MAST1: variants seen among roughly 807,000 people sequenced by gnomAD.
The protein encoded by MAST1 is microtubule associated serine/threonine kinase 1.
MAST1 carries 40 observed loss-of-function variants against 124.6 expected under a neutral mutation model. That is an observed-to-expected ratio of 0.32 (90% CI 0.25 to 0.42). The LOEUF (loss-of-function observed/expected upper bound fraction) is 0.42. MAST1 is among the 10% of genes least tolerant of loss of function. MAST1 has a pLI of 1.00. For synonymous variants in MAST1, 938 were observed against 939.4 expected, an observed-to-expected ratio of 1.00 and a Z score of 0.03; for missense variants, 1,558 against 2,181.9, an observed-to-expected ratio of 0.71 and a Z score of 5.70.
At chr19:12,863,555 C>G (rs902951416) in intron 12 of MAST1, among the ~76,000 whole-genome samples, 5 of 152,208 alleles carry the variant, frequency 3.3e-5, no homozygotes, top group Non-Finnish European at 5.9e-5. Flanking sequence ...TGGCTCTGTA[C>G]TCCCACATGT....
intron 10 of MAST1, among the ~76,000 whole-genome samples, chr19:12,853,966 C>T (rs1969992585): frequency 6.6e-6 from 1 of 151,026 alleles, no homozygotes; most frequent in African/African-American, 2.4e-5. Context: ...CCATGCTGTA[C>T]AGCCATTAGA....
chr19:12,867,471 C>T lies in MAST1; in HGVS notation c.2140-3C>T, dbSNP rs906241092. On this transcript the variant is annotated splice_polypyrimidine_tract_variant and splice_region_variant and intron_variant, in intron 18 of 25. Coordinates refer to ENST00000251472, the MANE Select transcript of MAST1 (RefSeq NM_014975.3). ...TGGACTTGCCTCCCACCACCACCTACAGGTGTATAGCAGCATGGAGCAGCT... is the reference window on the plus strand; with the variant it reads ...TGGACTTGCCTCCCACCACCACCTATAGGTGTATAGCAGCATGGAGCAGCT... 5.0e-6 allele frequency: 8 copies of T among 1,613,032 alleles called. No homozygotes were observed. The highest frequency in any genetic ancestry group is 6.8e-6 in the Non-Finnish European group (8 of 1,179,940).
chr19:12,867,598 G>C lies in MAST1; in HGVS notation c.2264G>C (p.Gly755Ala). ...GAGAAGGTGGCCGGCAAGCGGGAGGGGCTGGGCGGCCTGACCCTGCGTGAG... is the reference window on the plus strand; with the variant it reads ...GAGAAGGTGGCCGGCAAGCGGGAGGCGCTGGGCGGCCTGACCCTGCGTGAG... ...PEEKVAGKREGLGGLTLREKT... is the reference protein window; with the variant it reads ...PEEKVAGKREALGGLTLREKT... Residue 755 changes from glycine to alanine, a missense_variant, in exon 19 of 26, where the codon GGG (glycine) becomes GCG (alanine). Transcript: ENST00000251472. 6.2e-7 allele frequency: 1 copy of C among 1,612,958 alleles called. No homozygotes were observed. Among genetic ancestry groups the C allele is most frequent in the African/African-American group, 1.3e-5 (1 of 75,020 alleles).
chr19:12,848,308 C>G, intron 7 of MAST1: 1 of 488,716 alleles, frequency 2.0e-6, no homozygotes, highest in Non-Finnish European at 3.7e-6. Context: ...GCTTCTTAGG[C>G]GGTCCCCAGT....
intron 10 of MAST1, among the ~76,000 whole-genome samples, chr19:12,854,218 G>T (rs1969995672): frequency 6.7e-6 from 1 of 150,042 alleles, no homozygotes; most frequent in South Asian, 2.1e-4. Flanking sequence ...CCGCCTCCCA[G>T]GTTCAAGCAA....
rs2145912955 is a variant in MAST1, at chr19:12,870,809, G to T, written c.3004-15G>T. ...ATCCCACTAACCCTGTCCCTATGGG[G>T]TGCTCTTTTCCCAGCATGTGGAGGA... On this transcript the variant is annotated splice_polypyrimidine_tract_variant and intron_variant, in intron 22 of 25. Transcript: ENST00000251472. The T allele has an allele frequency of 6.3e-7, 1 of 1,592,864 alleles. No homozygotes were observed. The highest frequency in any genetic ancestry group is 1.1e-5 in the South Asian group (1 of 88,368).
chr19:12,860,048 C>T (rs780692030), intron 12 of MAST1, among the ~76,000 whole-genome samples: 6 of 151,720 alleles, frequency 4.0e-5, no homozygotes, highest in Non-Finnish European at 8.8e-5. Flanking sequence ...CCTCACATCC[C>T]GCAATTTGTC....
chr19:12,860,160 G>A (rs545143992), intron 12 of MAST1, among the ~76,000 whole-genome samples: 1 of 152,028 alleles, frequency 6.6e-6, no homozygotes, highest in South Asian at 2.1e-4. Context: ...TGTCTCCCAG[G>A]CTGGAGTGCA....
chr19:12,874,353 G>T lies in MAST1; in HGVS notation c.4196G>T (p.Gly1399Val), dbSNP rs775257437. The T allele has an allele frequency of 2.5e-6, 4 of 1,597,758 alleles. No homozygotes were observed. Among genetic ancestry groups the T allele is most frequent in the Non-Finnish European group, 3.4e-6 (4 of 1,178,774 alleles). ...CATCAGAGCGTGCAGACGGAGGATG[G>T]CACTGGCGGGATGGCCAGGGCTGTG... is the stretch of plus-strand genomic sequence containing the variant. The part of the protein sequence containing the change: ...TRHQSVQTED[G>V]TGGMARAVAK... The change falls in exon 26 of 26, where the codon GGC becomes GTC. Residue 1399 changes from glycine (G) to valine (V), a missense_variant. Gly to Val is a moderately radical substitution (Grantham distance 109). Around this residue, in one of 10 missense-constraint regions of MAST1, gnomAD observed 263 missense variants for 310.9 expected, o/e 0.85. Transcript: ENST00000251472. The surrounding 1 kb of genome is among the most constrained non-coding windows in gnomAD (Gnocchi z 6.6).
intron 10 of MAST1, among the ~76,000 whole-genome samples, chr19:12,858,006 C>CAAAAAAAAAA (rs539497049): frequency 1.0e-4 from 5 of 49,444 alleles, no homozygotes; most frequent in Admixed American, 3.2e-4. Flanking sequence ...GAACCTATCT[C>CAAAAAAAAAA]AAAAAAAAAA....
Position 12,857,646 on chromosome 19 carries a change from G to A in MAST1, c.1078-716G>A, listed in dbSNP as rs546322673. Among the ~76,000 whole-genome samples, 351 of 151,412 alleles carry A rather than the reference G, an allele frequency of 2.3e-3. 3 individuals carry two copies. Among genetic ancestry groups the A allele is most frequent in the African/African-American group, 8.0e-3 (331 of 41,282 alleles). On this transcript the variant is annotated intron_variant, in intron 10 of 25. Transcript: ENST00000251472. ...CCAGGATGGTCTCGATCTCCTGACC[G>A]CATGATCCGCCCACCTTGGCCTTCC...
rs947296643 is a variant in MAST1 at position 12,873,385 on chromosome 19, C to A, written c.3325C>A (p.Arg1109Ser). The A allele has an allele frequency of 6.2e-7, 1 of 1,613,942 alleles. No individual in the cohort carries two copies. Among genetic ancestry groups the A allele is most frequent in the African/African-American group, 1.3e-5 (1 of 74,926 alleles). Residue 1109 changes from arginine (R) to serine (S), a missense_variant, in exon 25 of 26, where the codon CGC becomes AGC. Physicochemically the swap from Arg to Ser is moderately radical, Grantham distance 110. Around this residue, in one of 10 missense-constraint regions of MAST1, gnomAD observed 291 missense variants for 475.8 expected, o/e 0.61. Coordinates refer to ENST00000251472, the MANE Select transcript of MAST1 (RefSeq NM_014975.3). ...GCAGTCGAACCTGCTGCATACTAGC[C>A]GCTCGCTGTCGTCGCTGAACCGCTC... The part of the protein sequence containing the change: ...TKQSNLLHTS[R>S]SLSSLNRSLS...
At position 12,843,624 on chromosome 19, in the gene MAST1, G is replaced by A. The variant is rs1599576392; in HGVS notation, c.327+17G>A. The A allele has an allele frequency of 6.2e-6, 10 of 1,611,014 alleles. No individual in the cohort carries two copies. Among genetic ancestry groups the A allele is most frequent in the Non-Finnish European group, 8.5e-6 (10 of 1,178,454 alleles). On this transcript the variant is annotated intron_variant, in intron 4 of 25. Coordinates refer to ENST00000251472, the MANE Select transcript of MAST1 (RefSeq NM_014975.3). This position sits in a 1 kb window ranked among gnomAD's most constrained non-coding sequence, Gnocchi z 4.9. ...ACCGTCTCGGTGAGTGTGGAAAGTA[G>A]GTGGGTGGGCCGGTGGGTAAGGAAT... is the stretch of plus-strand genomic sequence containing the variant.
In MAST1 at chr19:12,874,186, C is replaced by T. The variant is rs1214783702; in HGVS notation, c.4029C>T (p.Asp1343=). 3.9e-6 allele frequency: 6 copies of T among 1,542,246 alleles called. No homozygotes were observed. In the Admixed American group the frequency reaches 9.8e-5, roughly 25 times the overall value. ...AGTCACCTTTGAGCCTGGGCGCGGA[C>T]CCGTTGCTGCCCGAGGGTGCCTCCA... is the stretch of plus-strand genomic sequence containing the variant. ...RQESPLSLGA[D]PLLPEGASRP... is the part of the protein sequence containing the mutation. Residue 1343 remains aspartate (D), a synonymous_variant, in exon 26 of 26, where the codon GAC becomes GAT. Coordinates refer to ENST00000251472, the MANE Select transcript of MAST1 (RefSeq NM_014975.3). The surrounding 1 kb of genome is among the most constrained non-coding windows in gnomAD (Gnocchi z 6.6).
chr19:12,852,077 T>G (rs750998404), intron 8 of MAST1, 38 bp from the exon 9 acceptor site: 5 of 1,613,584 alleles, frequency 3.1e-6, no homozygotes, highest in Non-Finnish European at 4.2e-6. Context: ...TGGTAGACCC[T>G]GGGAGCCTGT....
At chr19:12,851,210 A>AATGCTGGGAT (rs1969955155) in intron 7 of MAST1, among the ~76,000 whole-genome samples, 1 of 151,084 alleles carries the variant, frequency 6.6e-6, no homozygotes, top group East Asian at 1.9e-4. Flanking sequence ...TGCCTCCCAA[A>AATGCTGGGAT]ATGCTGGGAT....
rs369507631 is a variant in MAST1, at chr19:12,857,086, G to T, written c.1078-1276G>T. 3.9e-5 allele frequency among the ~76,000 whole-genome samples: 6 copies of T among 151,970 alleles called. No homozygotes were observed. In the South Asian group the frequency reaches 8.3e-4, roughly 21 times the overall value. The stretch of plus-strand genomic sequence containing the variant: ...TTTCTGTTATTGTAAGTGAGATTGA[G>T]AATTTTTTTTTTTTGAGATGGAGTT... On this transcript the variant is annotated intron_variant, in intron 10 of 25. Coordinates refer to ENST00000251472, the MANE Select transcript of MAST1 (RefSeq NM_014975.3).
At position 12,865,082 on chromosome 19, in the gene MAST1, A is replaced by G; in HGVS notation, c.1542A>G (p.Thr514=). 6.2e-7 allele frequency: 1 copy of G among 1,614,120 alleles called. No individual in the cohort carries two copies. The highest frequency in any genetic ancestry group is 8.5e-7 in the Non-Finnish European group (1 of 1,180,008). ...CCTCCATGGGTCACATCAAGCTCAC[A>G]GATTTCGGCCTCTCCAAGATGGGGC... ...LITSMGHIKL[T]DFGLSKMGLM... Residue 514 remains threonine (T), a synonymous_variant, in exon 14 of 26, where the codon ACA becomes ACG. Transcript: ENST00000251472. The surrounding 1 kb of genome is among the most constrained non-coding windows in gnomAD (Gnocchi z 7.1).
At chr19:12,870,457 C>T (rs1335404403) in intron 22 of MAST1, among the ~76,000 whole-genome samples, 2 of 148,242 alleles carry the variant, frequency 1.3e-5, no homozygotes, top group Non-Finnish European at 3.0e-5. Flanking sequence ...CGCCACTGCA[C>T]TCCAGCCTGG....
Sources: allele counts gnomAD v4.1 joint callset (sites outside exome capture counted in the v4.1 genomes callset), GRCh38; gene constraint gnomAD v4.1.1; regional missense constraint gnomAD v4.1.1; non-coding constraint Gnocchi (gnomAD v3.1); transcripts MANE v1.5; gene names NCBI Gene and HGNC (gene_info 2026-07-23, HGNC 2026-07-21).